The following CDH13 variants were observed in gnomAD, a reference collection of about 807,000 sequenced individuals.
The protein encoded by CDH13 is cadherin-13.
Under a neutral mutation model 63.8 loss-of-function variants are expected in CDH13, and 24 were observed. The observed-to-expected ratio is 0.38, with a 90% CI of 0.27 to 0.53. CDH13 has a LOEUF of 0.53. CDH13 is among the 20% of genes least tolerant of loss of function. CDH13 has a pLI of 0.85. For synonymous variants in CDH13, 503 were observed against 355.3 expected (o/e 1.42, Z -4.67); for missense variants, 1,049 against 903.1 (o/e 1.16, Z -2.07).
intron 5 of CDH13, among the ~76,000 whole-genome samples, chr16:83,333,872 G>C (rs1272127722): frequency 6.6e-6 from 1 of 152,074 alleles, no homozygotes; most frequent in Non-Finnish European, 1.5e-5. Flanking sequence ...TAAATTATGT[G>C]GCCACTGTAT....
chr16:83,740,713 A>G (rs1911978081), intron 10 of CDH13, among the ~76,000 whole-genome samples: 1 of 152,170 alleles, frequency 6.6e-6, no homozygotes, highest in African/African-American at 2.4e-5. Flanking sequence ...GGAGATGTCA[A>G]GAGCTCCTGC....
intron 2 of CDH13, among the ~76,000 whole-genome samples, chr16:82,883,705 C>A (rs78257969): frequency 1.3e-5 from 2 of 152,170 alleles, no homozygotes; most frequent in African/African-American, 4.8e-5. Context: ...TAGCTGAGCT[C>A]GTGCCCAGAA....
intron 8 of CDH13, among the ~76,000 whole-genome samples, chr16:83,631,617 G>C (rs1039123987): frequency 1.3e-5 from 2 of 152,124 alleles, no homozygotes; most frequent in African/African-American, 2.4e-5. Flanking sequence ...AAAGGAAAGA[G>C]GGATGTCACT....
intron 1 of CDH13, among the ~76,000 whole-genome samples, chr16:82,804,181 T>C (rs532898745): frequency 1.3e-5 from 2 of 150,646 alleles, no homozygotes; most frequent in Non-Finnish European, 2.9e-5. Flanking sequence ...TGAGCTGAGA[T>C]CACGCTACTG....
chr16:83,268,935 C>G (rs1421085205), intron 5 of CDH13, among the ~76,000 whole-genome samples: 1 of 152,170 alleles, frequency 6.6e-6, no homozygotes, highest in African/African-American at 2.4e-5. Context: ...AGCCAAAGAC[C>G]AGAGCAGAGA....
chr16:82,844,057 G>A lies in CDH13; in HGVS notation c.46-14305G>A, dbSNP rs150268975. Among the ~76,000 whole-genome samples the A allele has an allele frequency of 4.6e-3, 702 of 152,224 alleles. 4 individuals are homozygous for A. Among genetic ancestry groups the A allele is most frequent in the African/African-American group, 0.015 (643 of 41,528 alleles). ...CTGTGGTAGGCTGAGTAATGGTCCCGTAATAAGTCTACATCCTCATTTTCA... is the reference window on the plus strand; with the variant it reads ...CTGTGGTAGGCTGAGTAATGGTCCCATAATAAGTCTACATCCTCATTTTCA... On this transcript the variant is annotated intron_variant, in intron 1 of 13. Transcript: ENST00000567109.
intron 7 of CDH13, among the ~76,000 whole-genome samples, chr16:83,501,425 G>A (rs935540090): frequency 6.7e-6 from 1 of 149,770 alleles, no homozygotes; most frequent in African/African-American, 2.5e-5. Flanking sequence ...GTCTCCTTGG[G>A]CTCTAGCATT....
chr16:83,386,568 C>A (rs921936983), intron 6 of CDH13, among the ~76,000 whole-genome samples: 11 of 152,242 alleles, frequency 7.2e-5, no homozygotes, highest in Non-Finnish European at 1.3e-4. Flanking sequence ...TATTACCCAC[C>A]CTACTTGAGG....
At chr16:82,650,153 T>G (rs76045683) in intron 1 of CDH13, among the ~76,000 whole-genome samples, 7,142 of 152,266 alleles carry the variant, frequency 0.047, 226 homozygotes, top group Non-Finnish European at 0.073. Flanking sequence ...AGAAATAGAT[T>G]TTGTGTAAAA....
chr16:83,372,749 TAA>T (rs35480546), intron 6 of CDH13, among the ~76,000 whole-genome samples: 1,257 of 95,502 alleles, frequency 0.013, 35 homozygotes, highest in African/African-American at 0.045. Context: ...AGACTCGGTC[TAA>T]AAAAAAAAAA....
intron 4 of CDH13, among the ~76,000 whole-genome samples, chr16:83,168,931 C>T (rs56099005): frequency 0.083 from 12,622 of 152,056 alleles, 613 homozygotes; most frequent in Middle Eastern, 0.19. Context: ...TATTCTGTTT[C>T]CCACCAGTCA....
chr16:82,659,764 C>G (rs1911718134), intron 1 of CDH13, among the ~76,000 whole-genome samples: 1 of 152,158 alleles, frequency 6.6e-6, no homozygotes, highest in Non-Finnish European at 1.5e-5. Context: ...GGAAGGGTTT[C>G]TCCACCATGG....
At chr16:83,577,459 C>T (rs1239769349) in intron 7 of CDH13, among the ~76,000 whole-genome samples, 1 of 152,180 alleles carries the variant, frequency 6.6e-6, no homozygotes, top group East Asian at 1.9e-4. Context: ...ATGCTCAGAC[C>T]TGCACACTGA....
chr16:83,272,406 A>C (rs2088852214), intron 5 of CDH13, among the ~76,000 whole-genome samples: 1 of 152,216 alleles, frequency 6.6e-6, no homozygotes, highest in Non-Finnish European at 1.5e-5. Flanking sequence ...GGCAGAGTGA[A>C]TATTTGGATC....
intron 6 of CDH13, among the ~76,000 whole-genome samples, chr16:83,418,844 C>G (rs2071629472): frequency 6.6e-6 from 1 of 152,154 alleles, no homozygotes; most frequent in Non-Finnish European, 1.5e-5. Flanking sequence ...TCCTTCTTTT[C>G]TCTCTGTGAA....
intron 10 of CDH13, chr16:83,721,799 A>G (rs72799104): frequency 0.23 from 34,485 of 152,260 alleles, 4,161 homozygotes; most frequent in Non-Finnish European, 0.24. Context: ...CAGGACTAGC[A>G]GGACAAGACA....
At chr16:83,326,221 C>A (rs1196359025) in intron 5 of CDH13, among the ~76,000 whole-genome samples, 8 of 152,104 alleles carry the variant, frequency 5.3e-5, no homozygotes, top group Non-Finnish European at 8.8e-5. Context: ...ACAACAACAA[C>A]AAATTACTTT....
intron 2 of CDH13, among the ~76,000 whole-genome samples, chr16:82,951,297 AAAG>A (rs1449239018): frequency 6.6e-6 from 1 of 152,208 alleles, no homozygotes; most frequent in Non-Finnish European, 1.5e-5. Context: ...CTGTGCTCTC[AAAG>A]AAGAAGTGGC....
intron 7 of CDH13, among the ~76,000 whole-genome samples, chr16:83,567,662 C>T (rs1037842626): frequency 6.6e-6 from 1 of 152,196 alleles, no homozygotes; most frequent in Non-Finnish European, 1.5e-5. Context: ...GTGGTGCGAT[C>T]TGGGCTCGCT....
Sources: gnomAD v4.1 joint callset for allele counts (sites outside exome capture counted in the v4.1 genomes callset) on GRCh38, gnomAD v4.1.1 for gene constraint, MANE v1.5 for transcripts, NCBI Gene and HGNC (gene_info 2026-07-23, HGNC 2026-07-21) for gene names.